The following ASMTL variants were observed in gnomAD, a reference collection of about 807,000 sequenced individuals.
ASMTL encodes probable bifunctional dTTP/UTP pyrophosphatase/methyltransferase protein.
A neutral mutation model predicts 60.3 loss-of-function variants in ASMTL; 57 were observed. That is an observed-to-expected ratio of 0.95 (90% CI 0.76 to 1.18). The LOEUF is 1.18. Ranked by LOEUF, ASMTL falls within the 50% of genes most tolerant of loss-of-function variation. The pLI is 0.00. For synonymous variants in ASMTL, 419 were observed against 373.0 expected, an observed-to-expected ratio of 1.12 and a Z score of -1.42; for missense variants, 981 against 852.6, an observed-to-expected ratio of 1.15 and a Z score of -1.88.
chrX:1,420,033 G>T (rs1428166601), intron 9 of ASMTL, among the ~76,000 whole-genome samples: 1 of 27,282 alleles, frequency 3.7e-5, no homozygotes, highest in African/African-American at 4.6e-5. Flanking sequence ...ATCTCCCTCT[G>T]TCTCTGTCTC....
chrX:1,416,346 C>T (rs1326312794), intron 11 of ASMTL, among the ~76,000 whole-genome samples: 1 of 121,454 alleles, frequency 8.2e-6, no homozygotes, highest in African/African-American at 3.0e-5. Context: ...CATACAGATA[C>T]AGTGACAGGC....
chrX:1,443,310 A>ACGCCGC (rs2091154960), intron 1 of ASMTL, among the ~76,000 whole-genome samples: 1 of 12,096 alleles, frequency 8.3e-5, no homozygotes, highest in African/African-American at 1.1e-4. Flanking sequence ...TCTTGGACAC[A>ACGCCGC]CACCGCCATC....
At chrX:1,412,216 A>G (rs2090055899) in intron 12 of ASMTL, among the ~76,000 whole-genome samples, 1 of 151,564 alleles carries the variant, frequency 6.6e-6, no homozygotes, top group South Asian at 2.1e-4. Context: ...ACATAAGCCA[A>G]TTCTTTTTTT....
intron 1 of ASMTL, among the ~76,000 whole-genome samples, chrX:1,448,803 A>ACCATCTTGGACAAGCACCG (rs2091288501): frequency 2.0e-5 from 3 of 151,776 alleles, no homozygotes; most frequent in Non-Finnish European, 4.4e-5. Context: ...GATAAGCACC[A>ACCATCTTGGACAAGCACCG]CCATCTTGGA....
chrX:1,438,673 T>G (rs1335973570), intron 3 of ASMTL, among the ~76,000 whole-genome samples: 1 of 152,218 alleles, frequency 6.6e-6, no homozygotes, highest in African/African-American at 2.4e-5. Context: ...CTGTATTCTG[T>G]ATCATTGATG....
intron 6 of ASMTL, chrX:1,428,322 CAAA>C (rs61684472): frequency 0.19 from 26,177 of 136,738 alleles, 2,594 homozygotes; most frequent in African/African-American, 0.3. Context: ...TTTGGCATCT[CAAA>C]AAAAAAAAAA....
At chrX:1,427,506 G>A (rs1360172848) in intron 7 of ASMTL, among the ~76,000 whole-genome samples, 2 of 151,322 alleles carry the variant, frequency 1.3e-5, no homozygotes, top group African/African-American at 4.9e-5. Context: ...GGAGGACGTG[G>A]CAGAGACTGG....
At chrX:1,417,218 CAG>C (rs1445808638) in intron 11 of ASMTL, among the ~76,000 whole-genome samples, 12 of 151,632 alleles carry the variant, frequency 7.9e-5, no homozygotes, top group Admixed American at 3.3e-4. Flanking sequence ...CACATGCACA[CAG>C]GGACACACAA....
intron 11 of ASMTL, among the ~76,000 whole-genome samples, chrX:1,414,344 A>T (rs1441989021): frequency 1.2e-4 from 18 of 152,032 alleles, no homozygotes; most frequent in African/African-American, 4.1e-4. Context: ...GGGGCGGGAG[A>T]GTGTGCGGTG....
intron 11 of ASMTL, among the ~76,000 whole-genome samples, chrX:1,413,596 A>G (rs1413071603): frequency 2.6e-5 from 4 of 152,252 alleles, no homozygotes; most frequent in African/African-American, 9.6e-5. Context: ...AGTGCAGTGA[A>G]TGGTGTCCCC....
chrX:1,412,811 G>A lies in ASMTL; in HGVS notation c.1566C>T (p.Val522=). The part of the protein sequence containing the change: ...RDPLPSAELY[V]LCRILHDWPD... ...GCCAGTCATGCAGGATCCGGCACAGGACGTACAGCTCAGCGCTGGGGAGGG... is the reference window on the plus strand; with the variant it reads ...GCCAGTCATGCAGGATCCGGCACAGAACGTACAGCTCAGCGCTGGGGAGGG... Residue 522 remains valine, a synonymous_variant, in exon 12 of 13, where the codon GTC becomes GTT. Transcript: ENST00000381317. 1 of 1,614,002 alleles carries A rather than the reference G, an allele frequency of 6.2e-7. No homozygotes were observed. The highest frequency in any genetic ancestry group is 1.3e-5 in the African/African-American group (1 of 75,058).
At chrX:1,433,856 A>C (rs1445578264) in intron 5 of ASMTL, among the ~76,000 whole-genome samples, 1 of 152,096 alleles carries the variant, frequency 6.6e-6, no homozygotes, top group Non-Finnish European at 1.5e-5. Context: ...CTGCTCCTTC[A>C]TAACAAAACC....
Position 1,419,008 on chromosome X carries a change from C to T in ASMTL, c.1352G>A (p.Arg451His), listed in dbSNP as rs374117559. The T allele has an allele frequency of 2.5e-5, 41 of 1,611,714 alleles. No homozygotes were observed. The highest frequency in any genetic ancestry group is 3.0e-5 in the Non-Finnish European group (35 of 1,179,806). ...CQVATAFNLS[R>H]FSSACDVGGC... is the part of the protein sequence containing the mutation. Reference sequence around the variant, plus strand: ...TCCCACGTCGCAGGCGGAGGAGAAGCGGGACAGATTGAAGGCCGTGGCCAC... The same window carrying T: ...TCCCACGTCGCAGGCGGAGGAGAAGTGGGACAGATTGAAGGCCGTGGCCAC... The change falls in exon 10 of 13, where the codon CGC becomes CAC. Residue 451 changes from arginine to histidine, a missense_variant. By Grantham distance (29) the Arg-to-His change is conservative. Coordinates refer to ENST00000381317, the MANE Select transcript of ASMTL (RefSeq NM_004192.4).
chrX:1,438,181 C>T (rs2091020647), intron 3 of ASMTL, among the ~76,000 whole-genome samples: 1 of 149,196 alleles, frequency 6.7e-6, no homozygotes, highest in Non-Finnish European at 1.5e-5. Flanking sequence ...CCCAGCTACT[C>T]AGGAGGCAGG....
intron 1 of ASMTL, among the ~76,000 whole-genome samples, chrX:1,448,064 GAC>G (rs1166185499): frequency 7.0e-6 from 1 of 142,854 alleles, no homozygotes; most frequent in South Asian, 2.2e-4. Flanking sequence ...CACCATCTTG[GAC>G]ACACACCATC....
intron 2 of ASMTL, 159 bp downstream of exon 2, chrX:1,442,027 G>C: frequency 1.3e-6 from 1 of 768,524 alleles, no homozygotes; most frequent in Non-Finnish European, 2.2e-6. Context: ...TTAGGTTACT[G>C]CAATAGTGCA....
intron 9 of ASMTL, 86 bp from the exon 10 acceptor site, chrX:1,419,200 G>A (rs1347161274): frequency 1.3e-6 from 2 of 1,519,572 alleles, no homozygotes; most frequent in Admixed American, 1.9e-5. Flanking sequence ...GGGGAGAAGT[G>A]CAGGGCTCCA....
intron 10 of ASMTL, 79 bp from the exon 11 acceptor site, chrX:1,418,195 G>A: frequency 6.8e-7 from 1 of 1,471,546 alleles, no homozygotes; most frequent in Admixed American, 2.2e-5. Flanking sequence ...AACTGGGGCA[G>A]AAGTAATGTT....
chrX:1,423,913 C>T (rs2090542082), intron 8 of ASMTL, among the ~76,000 whole-genome samples: 1 of 151,414 alleles, frequency 6.6e-6, no homozygotes, highest in South Asian at 2.1e-4. Flanking sequence ...TCTATTCACC[C>T]ATCCACTGAT....
Sources: allele counts gnomAD v4.1 joint callset (sites outside exome capture counted in the v4.1 genomes callset), GRCh38; gene constraint gnomAD v4.1.1; transcripts MANE v1.5; gene names NCBI Gene and HGNC (gene_info 2026-07-23, HGNC 2026-07-21).